Variants in CYSTM1 observed in about 807,000 individuals in gnomAD.
The protein encoded by CYSTM1 is cysteine rich transmembrane module containing 1.
A neutral mutation model predicts 13.1 loss-of-function variants in CYSTM1; 4 were observed. The observed-to-expected ratio is 0.31, with a 90% confidence interval of 0.15 to 0.70. The LOEUF is 0.70. Ranked by LOEUF, CYSTM1 falls within the 30% of genes least tolerant of loss-of-function variation. The pLI is 0.72. For synonymous variants in CYSTM1, 36 were observed against 42.7 expected (o/e 0.84, Z 0.62); for missense variants, 96 against 121.6 (o/e 0.79, Z 0.99).
chr5:140,235,380 T>C (rs573550319), intron 2 of CYSTM1, among the ~76,000 whole-genome samples: 95 of 151,576 alleles, frequency 6.3e-4, no homozygotes, highest in South Asian at 1.0e-3. Context: ...ACCCATGACA[T>C]TGGGTCTTCA....
intron 1 of CYSTM1, among the ~76,000 whole-genome samples, chr5:140,192,199 C>CT (rs1358674693): frequency 6.6e-6 from 1 of 152,160 alleles, no homozygotes; most frequent in East Asian, 1.9e-4. Flanking sequence ...TCAGCACCTC[C>CT]TTCTACTAGG....
chr5:140,195,862 T>C (rs1764150349), intron 2 of CYSTM1, among the ~76,000 whole-genome samples: 2 of 151,520 alleles, frequency 1.3e-5, no homozygotes, highest in African/African-American at 2.4e-5. Context: ...CTGGCCAACA[T>C]GGTGAAACCC....
rs1764128293 is a variant in CYSTM1, at chr5:140,194,487, C to G, written c.22C>G (p.Pro8Ala). Residue 8 changes from proline (P) to alanine (A), a missense_variant, in exon 2 of 3, where the codon CCA (proline) becomes GCA (alanine). By Grantham distance (27) the Pro-to-Ala change is conservative (BLOSUM62 -1). Transcript: ENST00000261811. MNQENPP[P>A]YPGPGPTAPY... ...CCCGATGAACCAAGAGAACCCTCCA[C>G]CATATCCAGGCCCTGGTCCAACGGC... 6.2e-7 allele frequency: 1 copy of G among 1,603,568 alleles called. No homozygotes were observed.
chr5:140,215,484 T>A lies in CYSTM1; in HGVS notation c.187+20832T>A, dbSNP rs1241223312. 3.5e-5 allele frequency among the ~76,000 whole-genome samples: 5 copies of A among 142,254 alleles called. No homozygotes were observed. In the East Asian group the frequency reaches 1.0e-3, roughly 29 times the overall value. The allele number at this position is 142,254 out of a possible 152,430, so 93.3% of individuals were successfully genotyped here. On this transcript the variant is annotated intron_variant, in intron 2 of 2. Transcript: ENST00000261811. ...GATAATAGGCTGCAGTTCCTGTTCC[T>A]GGGTTATACCCTGGCTCTCACACAG...
intron 2 of CYSTM1, among the ~76,000 whole-genome samples, chr5:140,227,227 T>C (rs541188749): frequency 6.6e-6 from 1 of 152,174 alleles, no homozygotes; most frequent in South Asian, 2.1e-4. Context: ...CTGGGGTTGA[T>C]TTGGTAAATT....
intron 1 of CYSTM1, among the ~76,000 whole-genome samples, chr5:140,187,754 TGA>T (rs1764036097): frequency 6.6e-6 from 1 of 152,178 alleles, no homozygotes; most frequent in Non-Finnish European, 1.5e-5. Context: ...CTTTAGGCTT[TGA>T]TAATAAGAAG....
chr5:140,187,445 G>C (rs1273628751), intron 1 of CYSTM1, among the ~76,000 whole-genome samples: 1 of 152,052 alleles, frequency 6.6e-6, no homozygotes, highest in Non-Finnish European at 1.5e-5. Flanking sequence ...GCTCACCTCA[G>C]CCTCAATCTC....
intron 2 of CYSTM1, among the ~76,000 whole-genome samples, chr5:140,240,013 GAA>G (rs1764728628): frequency 6.6e-6 from 1 of 152,046 alleles, no homozygotes; most frequent in Non-Finnish European, 1.5e-5. Flanking sequence ...TCAGGAGCTG[GAA>G]CCCAGCTCCG....
At chr5:140,176,860 G>C (rs1185771853) in intron 1 of CYSTM1, among the ~76,000 whole-genome samples, 1 of 152,152 alleles carries the variant, frequency 6.6e-6, no homozygotes, top group African/African-American at 2.4e-5. Context: ...ACGAGGTCAG[G>C]AGATCGAGAC....
At chr5:140,218,756 C>CGA (rs771464840) in intron 2 of CYSTM1, among the ~76,000 whole-genome samples, 3 of 152,208 alleles carry the variant, frequency 2.0e-5, no homozygotes, top group Non-Finnish European at 4.4e-5. Flanking sequence ...GTCAAGTGTG[C>CGA]TATATACGGG....
chr5:140,199,115 G>A (rs538882591), intron 2 of CYSTM1, among the ~76,000 whole-genome samples: 1 of 152,258 alleles, frequency 6.6e-6, no homozygotes, highest in Admixed American at 6.5e-5. Flanking sequence ...CTTCATCCAT[G>A]TCCCTGCAAA....
At chr5:140,181,115 C>T (rs1478259371) in intron 1 of CYSTM1, among the ~76,000 whole-genome samples, 1 of 152,192 alleles carries the variant, frequency 6.6e-6, no homozygotes, top group Non-Finnish European at 1.5e-5. Context: ...CCACGTTAAA[C>T]GTTTAATGCT....
Position 140,227,311 on chromosome 5 carries a change from A to G in CYSTM1, c.188-15994A>G, listed in dbSNP as rs529748760. Among the ~76,000 whole-genome samples, 7 of 152,274 alleles carry G rather than the reference A, an allele frequency of 4.6e-5. No homozygotes were observed. In the South Asian group the frequency reaches 1.2e-3, roughly 27 times the overall value. ...CTTAATGAGCTGTTTGGGATCTTGC[A>G]TGGGCAGGGGGGAGAGGGTTAATAG... On this transcript the variant is annotated intron_variant, in intron 2 of 2. Transcript: ENST00000261811.
chr5:140,194,706 T>C, intron 2 of CYSTM1, 54 bp downstream of exon 2: 1 of 1,536,212 alleles, frequency 6.5e-7, no homozygotes, highest in East Asian at 2.4e-5. Context: ...AAGGAAATGT[T>C]TGCATGTTTT....
chr5:140,194,917 TG>T (rs1200322436), intron 2 of CYSTM1, among the ~76,000 whole-genome samples: 1 of 152,186 alleles, frequency 6.6e-6, no homozygotes, highest in African/African-American at 2.4e-5. Flanking sequence ...CTAGAGCACT[TG>T]GGGGTGGGGA....
At chr5:140,222,236 C>T (rs755087907) in intron 2 of CYSTM1, among the ~76,000 whole-genome samples, 1 of 152,218 alleles carries the variant, frequency 6.6e-6, no homozygotes, top group African/African-American at 2.4e-5. Flanking sequence ...CCCATGTCTT[C>T]CAGTTTTTGT....
intron 2 of CYSTM1, among the ~76,000 whole-genome samples, chr5:140,199,429 T>C (rs1764199703): frequency 6.6e-6 from 1 of 152,230 alleles, no homozygotes; most frequent in Non-Finnish European, 1.5e-5. Context: ...ACCAGCAGTG[T>C]AAAAGTGTTC....
chr5:140,189,665 A>C (rs1464838867), intron 1 of CYSTM1, among the ~76,000 whole-genome samples: 1 of 152,196 alleles, frequency 6.6e-6, no homozygotes, highest in Non-Finnish European at 1.5e-5. Flanking sequence ...CTGTGAAAAT[A>C]TATAATAATT....
intron 2 of CYSTM1, among the ~76,000 whole-genome samples, chr5:140,208,753 T>G (rs1316643687): frequency 1.3e-5 from 2 of 152,122 alleles, no homozygotes; most frequent in Non-Finnish European, 2.9e-5. Context: ...AATTAAGGTC[T>G]TCTTGGCTGG....
Sources: gnomAD v4.1 joint callset for allele counts (sites outside exome capture counted in the v4.1 genomes callset) on GRCh38, gnomAD v4.1.1 for gene constraint, MANE v1.5 for transcripts, NCBI Gene and HGNC (gene_info 2026-07-23, HGNC 2026-07-21) for gene names.